The following RAD51B variants were observed in gnomAD, a reference collection of about 807,000 sequenced individuals.
The protein encoded by RAD51B is RAD51 paralog B.
Under a neutral mutation model 42.2 loss-of-function variants are expected in RAD51B, and 38 were observed. That is an observed-to-expected ratio of 0.90 (90% CI 0.70 to 1.18). The LOEUF (loss-of-function observed/expected upper bound fraction) is 1.18. RAD51B is among the 50% of genes most tolerant of loss of function. The pLI is 0.00. For missense variants in RAD51B, 373 were observed against 400.7 expected, an observed-to-expected ratio of 0.93 and a Z score of 0.59; for synonymous variants, 154 against 145.2, an observed-to-expected ratio of 1.06 and a Z score of -0.43.
At chr14:68,120,590 A>T (rs1418686179) in intron 7 of RAD51B, among the ~76,000 whole-genome samples, 1 of 152,274 alleles carries the variant, frequency 6.6e-6, no homozygotes, top group South Asian at 2.1e-4. Flanking sequence ...TTCCTGATAT[A>T]TTCAGAACCA....
exon 11 of RAD51B, chr14:68,611,197 A>C: frequency 2.8e-6 from 2 of 702,896 alleles, no homozygotes; most frequent in Non-Finnish European, 5.2e-6. Context: ...TCCTCCTACA[A>C]ACTGGGCAAC....
rs780748123 is a variant in RAD51B, at chr14:68,477,640, T to TC, written c.1037-6dup. The stretch of plus-strand genomic sequence containing the variant: ...TCAAACTTTCTCTTTTTTTTTTTTT[T>TC]CCTTTAGGCCAAGAGAAGCCATAGG... On this transcript the variant is annotated splice_polypyrimidine_tract_variant and splice_region_variant and intron_variant, in intron 10 of 10. Coordinates refer to ENST00000471583, the MANE Select transcript of RAD51B (RefSeq NM_133510.4). The TC allele has an allele frequency of 6.2e-7, 1 of 1,601,932 alleles. No homozygotes were observed. Among genetic ancestry groups the TC allele is most frequent in the East Asian group, 2.2e-5 (1 of 44,598 alleles).
At chr14:68,599,067 A>G (rs187947905), downstream of RAD51B, among the ~76,000 whole-genome samples, 99 of 152,310 alleles carry the variant, frequency 6.5e-4, no homozygotes, top group Non-Finnish European at 1.3e-3. Context: ...CCTGCGCCGT[A>G]TCTGAGCTGG....
intron 8 of RAD51B, among the ~76,000 whole-genome samples, chr14:68,388,098 T>A (rs199950972): frequency 0.027 from 3,261 of 122,378 alleles, 91 homozygotes; most frequent in African/African-American, 0.083. Flanking sequence ...ATATATATTT[T>A]TTTTTTTTTT....
intron 7 of RAD51B, among the ~76,000 whole-genome samples, chr14:67,935,311 T>C (rs907991307): frequency 1.3e-5 from 2 of 152,200 alleles, no homozygotes; most frequent in Non-Finnish European, 2.9e-5. Context: ...CCAGAAGATA[T>C]ACCAGTTGTA....
intron 11 of RAD51B, among the ~76,000 whole-genome samples, chr14:68,671,700 T>C (rs1041116142): frequency 6.6e-6 from 1 of 152,162 alleles, no homozygotes; most frequent in Non-Finnish European, 1.5e-5. Flanking sequence ...ATGTTGGCTT[T>C]AATGAATCTG....
intron 9 of RAD51B, among the ~76,000 whole-genome samples, chr14:68,465,940 CA>C (rs59348577): frequency 0.16 from 20,351 of 129,148 alleles, 1,813 homozygotes; most frequent in Middle Eastern, 0.29. Context: ...GACTCTGTCT[CA>C]AAAAAAAAAA....
intron 7 of RAD51B, among the ~76,000 whole-genome samples, chr14:68,166,449 A>G (rs976196019): frequency 6.6e-6 from 1 of 152,094 alleles, no homozygotes; most frequent in Non-Finnish European, 1.5e-5. Context: ...AATTAGACCC[A>G]GAGTATAGTA....
chr14:67,996,711 A>G (rs925966202), intron 7 of RAD51B, among the ~76,000 whole-genome samples: 1 of 152,170 alleles, frequency 6.6e-6, no homozygotes, highest in African/African-American at 2.4e-5. Flanking sequence ...CACTGAATGG[A>G]TGGATGCATT....
At chr14:67,961,087 G>A (rs1466218971) in intron 7 of RAD51B, among the ~76,000 whole-genome samples, 1 of 152,114 alleles carries the variant, frequency 6.6e-6, no homozygotes, top group African/African-American at 2.4e-5. Context: ...GCTTACTGCA[G>A]CCTCGACTTC....
At chr14:67,940,050 ATATATTTT>A (rs2045130901) in intron 7 of RAD51B, among the ~76,000 whole-genome samples, 1 of 13,886 alleles carries the variant, frequency 7.2e-5, no homozygotes, top group Non-Finnish European at 1.8e-4. Flanking sequence ...ATATATATAT[ATATATTTT>A]TTTTTTTTTT....
intron 7 of RAD51B, among the ~76,000 whole-genome samples, chr14:67,938,752 G>GT (rs941657202): frequency 2.6e-4 from 40 of 152,328 alleles, no homozygotes; most frequent in Middle Eastern, 3.4e-3. Flanking sequence ...ACTTGTGTGC[G>GT]TGACAGTGTG....
At chr14:68,288,860 G>C (rs144812198) in intron 7 of RAD51B, among the ~76,000 whole-genome samples, 20 of 152,262 alleles carry the variant, frequency 1.3e-4, no homozygotes, top group Admixed American at 1.2e-3. Flanking sequence ...AAATATTAGA[G>C]CTGACACATT....
chr14:68,460,538 C>T (rs113945894), intron 9 of RAD51B, among the ~76,000 whole-genome samples: 3 of 152,170 alleles, frequency 2.0e-5, no homozygotes, highest in Admixed American at 6.5e-5. Flanking sequence ...TCCACACTGG[C>T]CTTCCTAGCC....
intron 7 of RAD51B, among the ~76,000 whole-genome samples, chr14:68,290,198 C>G (rs1595666691): frequency 6.6e-6 from 1 of 152,162 alleles, no homozygotes; most frequent in Non-Finnish European, 1.5e-5. Context: ...ATAGCTGACC[C>G]TTGTTTCAGA....
At chr14:68,349,427 C>T (rs2082738119) in intron 8 of RAD51B, among the ~76,000 whole-genome samples, 1 of 152,064 alleles carries the variant, frequency 6.6e-6, no homozygotes, top group Non-Finnish European at 1.5e-5. Flanking sequence ...AGTGCAGTGG[C>T]ACCATCTTGG....
chr14:68,056,912 A>C (rs2076485406), intron 7 of RAD51B, among the ~76,000 whole-genome samples: 1 of 152,028 alleles, frequency 6.6e-6, no homozygotes, highest in Non-Finnish European at 1.5e-5. Flanking sequence ...ACATGGTGAA[A>C]CCCTGTCTCT....
chr14:68,197,198 A>G (rs2079390355), intron 7 of RAD51B, among the ~76,000 whole-genome samples: 1 of 152,218 alleles, frequency 6.6e-6, no homozygotes, highest in Non-Finnish European at 1.5e-5. Flanking sequence ...CCTTCCAGTC[A>G]ATCTCAAGCC....
chr14:68,200,476 T>TGAACAGA (rs2079460566), intron 7 of RAD51B, among the ~76,000 whole-genome samples: 1 of 152,208 alleles, frequency 6.6e-6, no homozygotes, highest in African/African-American at 2.4e-5. Context: ...GGAAAATTCT[T>TGAACAGA]GAACAGAGCA....
Sources: allele counts gnomAD v4.1 joint callset (sites outside exome capture counted in the v4.1 genomes callset), GRCh38; gene constraint gnomAD v4.1.1; transcripts MANE v1.5; gene names NCBI Gene and HGNC (gene_info 2026-07-23, HGNC 2026-07-21).